Variants in TXNDC12 observed in about 807,000 individuals in gnomAD.
TXNDC12 encodes thioredoxin domain containing 12, also known as thioredoxin domain-containing protein 12.
A neutral mutation model predicts 24.2 loss-of-function variants in TXNDC12; 22 were observed. That is an observed-to-expected ratio of 0.91 (90% CI 0.65 to 1.30). The LOEUF (loss-of-function observed/expected upper bound fraction) is 1.30. Ranked by LOEUF, TXNDC12 falls within the 50% of genes most tolerant of loss-of-function variation. TXNDC12 has a pLI of 0.00. For synonymous variants in TXNDC12, 58 were observed against 73.4 expected, an observed-to-expected ratio of 0.79 and a Z score of 1.07; for missense variants, 184 against 205.8, an observed-to-expected ratio of 0.89 and a Z score of 0.65.
chr1:52,056,057 C>T (rs1402561848), upstream of TXNDC12: 3 of 152,154 alleles, frequency 2.0e-5, no homozygotes, highest in Non-Finnish European at 4.4e-5. Context: ...AAAAACATAC[C>T]GACCACCCTT....
At chr1:52,032,830 C>A in intron 2 of TXNDC12, 1 of 1,614,228 alleles carries the variant, frequency 6.2e-7, no homozygotes, top group Non-Finnish European at 8.5e-7. Flanking sequence ...GGTCAAGGGC[C>A]GGGTAAACCG....
chr1:52,054,960 A>T (rs1686303506), intron 1 of TXNDC12, 40 bp downstream of exon 1: 3 of 1,421,864 alleles, frequency 2.1e-6, no homozygotes, highest in African/African-American at 2.8e-5. Flanking sequence ...GGATCAGTAT[A>T]GTAAAGATCA....
chr1:52,054,142 G>A (rs980048836), intron 1 of TXNDC12, among the ~76,000 whole-genome samples: 1 of 152,010 alleles, frequency 6.6e-6, no homozygotes, highest in Middle Eastern at 3.4e-3. Flanking sequence ...ACCAATAGAT[G>A]TGAAAATAGA....
At position 52,041,525 on chromosome 1, in the gene TXNDC12, C is replaced by T; in HGVS notation, c.158+12G>A. ...TTTACCACCATAAATGACCTAAAAC[C>T]ATGTCTTGTACCTGGCAGCTGCTTC... On this transcript the variant is annotated intron_variant, in intron 2 of 6. Coordinates refer to ENST00000371626, the MANE Select transcript of TXNDC12 (RefSeq NM_015913.4). The T allele has an allele frequency of 1.9e-6, 3 of 1,602,778 alleles. No individual in the cohort carries two copies.
chr1:52,027,780 T>C (rs1161785212), intron 3 of TXNDC12, among the ~76,000 whole-genome samples: 1 of 146,706 alleles, frequency 6.8e-6, no homozygotes, highest in Non-Finnish European at 1.5e-5. Context: ...TATTATATGT[T>C]ATATATGTTA....
At chr1:52,033,437 G>T (rs201861316) in intron 2 of TXNDC12, 1 of 1,612,856 alleles carries the variant, frequency 6.2e-7, no homozygotes, top group East Asian at 2.2e-5. Flanking sequence ...CCGCCGGGCC[G>T]TACGCAGTAG....
rs371896568 is a variant in TXNDC12 at position 52,042,585 on chromosome 1, T to C, written c.98-988A>G. Among the ~76,000 whole-genome samples, 8 of 151,516 alleles carry C rather than the reference T, an allele frequency of 5.3e-5. No homozygotes were observed. In the East Asian group the frequency reaches 1.2e-3, roughly 22 times the overall value. On this transcript the variant is annotated intron_variant, in intron 1 of 6. Transcript: ENST00000371626. ...AAGCGATTCTTTTGCCTCAGCCTCC[T>C]GAGTAGCTGGAATTACAAGCGCCTG...
At chr1:52,042,846 TC>T (rs1390833904) in intron 1 of TXNDC12, among the ~76,000 whole-genome samples, 1 of 152,224 alleles carries the variant, frequency 6.6e-6, no homozygotes, top group Non-Finnish European at 1.5e-5. Context: ...GGTCTTGAAC[TC>T]CCGACCTCAG....
At position 52,023,560 on chromosome 1, in the gene TXNDC12, C is replaced by T; in HGVS notation, c.370G>A (p.Val124Met). 1 of 1,613,914 alleles carries T rather than the reference C, an allele frequency of 6.2e-7. No individual in the cohort carries two copies. Among genetic ancestry groups the T allele is most frequent in the Non-Finnish European group, 8.5e-7 (1 of 1,179,852 alleles). The change falls in exon 6 of 7, where the codon GTG (valine) becomes ATG (methionine). Residue 124 changes from valine to methionine, a missense_variant. Coordinates refer to ENST00000371626, the MANE Select transcript of TXNDC12 (RefSeq NM_015913.4). ...RILFLDPSGKVHPEIINENGN... is the reference protein window; with the variant it reads ...RILFLDPSGKMHPEIINENGN... ...TTCTCATTGATGATTTCAGGATGCA[C>T]CTTGCCACTGGGATCTGTTATAGAC...
At chr1:52,022,635 G>GTTTTTTT (rs1188645759) in intron 6 of TXNDC12, among the ~76,000 whole-genome samples, 8 of 118,614 alleles carry the variant, frequency 6.7e-5, no homozygotes, top group African/African-American at 1.9e-4. Context: ...GGTTTTTTTG[G>GTTTTTTT]TTTTTTTTTT....
At position 52,027,349 on chromosome 1, in the gene TXNDC12, C is replaced by G; in HGVS notation, c.212-1G>C. ...GATTCTGCAAATTTGGGCTTTAGAG[C>G]TGGGGGGAAAAAGATTTTGGAATAG... On this transcript the variant is annotated splice_acceptor_variant, in intron 3 of 6. Transcript: ENST00000371626. LOFTEE classifies it high-confidence loss of function. The G allele has an allele frequency of 6.2e-7, 1 of 1,610,400 alleles. No homozygotes were observed. Among genetic ancestry groups the G allele is most frequent in the Non-Finnish European group, 8.5e-7 (1 of 1,177,330 alleles).
At chr1:52,053,556 C>T (rs554572184) in intron 1 of TXNDC12, among the ~76,000 whole-genome samples, 6 of 151,592 alleles carry the variant, frequency 4.0e-5, no homozygotes, top group Non-Finnish European at 8.8e-5. Flanking sequence ...CCCAGCTACT[C>T]GGGAGGCTAA....
chr1:52,025,579 C>G (rs1467475709), intron 4 of TXNDC12, among the ~76,000 whole-genome samples: 3 of 152,202 alleles, frequency 2.0e-5, no homozygotes. Context: ...GACGTTTTTA[C>G]TGTTTCCTTT....
rs1571995500 is a variant in TXNDC12 at position 52,020,669 on chromosome 1, T to C, written c.*264A>G. 1 of 445,336 alleles carries C rather than the reference T, an allele frequency of 2.2e-6. No homozygotes were observed. The highest frequency in any genetic ancestry group is 3.7e-5 in the East Asian group (1 of 26,918). 27.6% of individuals were successfully genotyped at this position (445,336 alleles called of 1,614,324 possible). A position where few individuals can be genotyped will look rare whatever the true frequency, so the allele number is the denominator to read the frequency against. ...GTGGCTCAAGTTTTGTGTCAGAAGG[T>C]TTCATTCTTTACATTCAATGACAAG... On this transcript the variant is annotated 3_prime_UTR_variant, in exon 7 of 7. Transcript: ENST00000371626.
intron 2 of TXNDC12, among the ~76,000 whole-genome samples, chr1:52,038,900 T>C (rs1365527636): frequency 3.2e-5 from 3 of 92,792 alleles, no homozygotes; most frequent in Non-Finnish European, 6.2e-5. Context: ...TTTTTCTTTT[T>C]CTGTTTTTTT....
intron 2 of TXNDC12, among the ~76,000 whole-genome samples, chr1:52,038,901 C>T (rs1016613187): frequency 1.6e-4 from 13 of 82,658 alleles, no homozygotes; most frequent in African/African-American, 1.6e-4. Flanking sequence ...TTTTCTTTTT[C>T]TGTTTTTTTT....
intron 1 of TXNDC12, among the ~76,000 whole-genome samples, chr1:52,045,080 AAAGG>A (rs1428834878): frequency 6.6e-6 from 1 of 152,204 alleles, no homozygotes; most frequent in Non-Finnish European, 1.5e-5. Flanking sequence ...TGCAGTGATA[AAAGG>A]AAAGGAGTAA....
intron 5 of TXNDC12, 25 bp from the exon 6 acceptor site, chr1:52,023,599 G>A (rs1265117614): frequency 1.3e-6 from 2 of 1,577,486 alleles, no homozygotes; most frequent in South Asian, 1.1e-5. Context: ...ATGACACAGA[G>A]TTTTGCAGTA....
chr1:52,023,510 A>C lies in TXNDC12; in HGVS notation c.420T>G (p.Phe140Leu). ...CTATACCTTGCTCGGCACTGACATA[A>C]AAATACTTGTAGCTGGGGTTTCCAT... ...NENGNPSYKYFYVSAEQVVQG... is the reference protein window; with the variant it reads ...NENGNPSYKYLYVSAEQVVQG... Residue 140 changes from phenylalanine to leucine, a missense_variant, in exon 6 of 7, where the codon TTT becomes TTG. Coordinates refer to ENST00000371626, the MANE Select transcript of TXNDC12 (RefSeq NM_015913.4). 1 of 1,614,056 alleles carries C rather than the reference A, an allele frequency of 6.2e-7. No individual in the cohort carries two copies. The highest frequency in any genetic ancestry group is 1.1e-5 in the South Asian group (1 of 91,080).
Sources: allele counts gnomAD v4.1 joint callset (sites outside exome capture counted in the v4.1 genomes callset), GRCh38; gene constraint gnomAD v4.1.1; transcripts MANE v1.5; gene names NCBI Gene and HGNC (gene_info 2026-07-23, HGNC 2026-07-21).